LASP1: variants seen among roughly 807,000 people sequenced by gnomAD.
The protein encoded by LASP1 is LIM and SH3 protein 1, also known as LIM and SH3 domain protein 1.
A neutral mutation model predicts 38.6 loss-of-function variants in LASP1; 10 were observed. The observed-to-expected ratio is 0.26, with a 90% CI of 0.16 to 0.44. The LOEUF (loss-of-function observed/expected upper bound fraction) is 0.44, where lower values mean the gene tolerates loss of function less well. Among genes scored for constraint, LASP1 ranks in the 20% least tolerant of loss-of-function variants. The pLI is 1.00. For synonymous variants in LASP1, 132 were observed against 140.8 expected (o/e 0.94, Z 0.44); for missense variants, 243 against 375.7 (o/e 0.65, Z 2.92).
Position 38,870,105 on chromosome 17 carries a change from AGCCGCG to A in LASP1, c.-79_-74del. ...CCGTCGCTGCTGCCTGTGTAGTTGC[AGCCGCG>A]GCCGCCTCCCGCCAGCTCGCCTCGG... On this transcript the variant is annotated 5_prime_UTR_variant, in exon 1 of 7. Transcript: ENST00000318008. The A allele has an allele frequency of 1.3e-6, 2 of 1,491,434 alleles. No homozygotes were observed. 92.4% of individuals were successfully genotyped at this position (1,491,434 alleles called of 1,614,324 possible).
chr17:38,903,380 T>A (rs1914696868), intron 4 of LASP1, among the ~76,000 whole-genome samples: 1 of 151,990 alleles, frequency 6.6e-6, no homozygotes, highest in South Asian at 2.1e-4. Context: ...ATCATCATTA[T>A]TATTTTTGAG....
chr17:38,914,639 C>G lies in LASP1; in HGVS notation c.508+164C>G, dbSNP rs369369170. Among the ~76,000 whole-genome samples, 3 of 151,292 alleles carry G rather than the reference C, an allele frequency of 2.0e-5. No individual in the cohort carries two copies. The East Asian group carries it at 5.8e-4, about 29-fold the overall frequency. On this transcript the variant is annotated intron_variant, in intron 5 of 6. Coordinates refer to ENST00000318008, the MANE Select transcript of LASP1 (RefSeq NM_006148.4). ...AAGAGGGGACCAGAGGACCTGAGGC[C>G]GGGCCAGCTGGGGTGGGGAGGAAGT...
At chr17:38,907,606 A>G (rs1476333612) in intron 4 of LASP1, among the ~76,000 whole-genome samples, 1 of 152,174 alleles carries the variant, frequency 6.6e-6, no homozygotes, top group Admixed American at 6.5e-5. Flanking sequence ...TTGTCAGGGT[A>G]TGAAGAGCTT....
chr17:38,900,197 C>CAAAAAAA (rs56008544), intron 4 of LASP1, among the ~76,000 whole-genome samples: 23 of 67,576 alleles, frequency 3.4e-4, no homozygotes, highest in South Asian at 5.9e-4. Context: ...ACTGTTTCTA[C>CAAAAAAA]AAAAAAAAAA....
At chr17:38,878,304 TCA>T in intron 2 of LASP1, 124 bp downstream of exon 2, 1 of 663,738 alleles carries the variant, frequency 1.5e-6, no homozygotes, top group South Asian at 1.9e-5. Flanking sequence ...TACTTGAACA[TCA>T]CAGTTTGTCC....
chr17:38,898,739 CTG>C (rs1286289679), intron 4 of LASP1: 1 of 613,194 alleles, frequency 1.6e-6, no homozygotes, highest in Admixed American at 2.1e-5. Flanking sequence ...CTTGAAGGGA[CTG>C]TATTCTGTGG....
At chr17:38,895,101 C>A (rs1373439319) in intron 3 of LASP1, among the ~76,000 whole-genome samples, 2 of 151,860 alleles carry the variant, frequency 1.3e-5, no homozygotes, top group African/African-American at 2.4e-5. Context: ...TATGTTGGCC[C>A]AACACATGGT....
At chr17:38,892,010 G>A (rs539488934) in intron 3 of LASP1, among the ~76,000 whole-genome samples, 5 of 152,094 alleles carry the variant, frequency 3.3e-5, no homozygotes, top group African/African-American at 1.2e-4. Flanking sequence ...TATCACTTGA[G>A]CTGAGGAGTT....
At chr17:38,880,467 CCT>C (rs1025883747) in intron 2 of LASP1, among the ~76,000 whole-genome samples, 3 of 152,214 alleles carry the variant, frequency 2.0e-5, no homozygotes, top group Admixed American at 6.5e-5. Flanking sequence ...CAGAGGTTCC[CCT>C]GTCTCCCTCC....
At chr17:38,875,514 G>A (rs1044765045) in intron 1 of LASP1, among the ~76,000 whole-genome samples, 2 of 152,132 alleles carry the variant, frequency 1.3e-5, no homozygotes, top group African/African-American at 4.8e-5. Flanking sequence ...GGTTGGGGAG[G>A]GGGCCAAGCT....
At chr17:38,902,733 C>T (rs188205677) in intron 4 of LASP1, among the ~76,000 whole-genome samples, 61 of 151,942 alleles carry the variant, frequency 4.0e-4, no homozygotes, top group Middle Eastern at 3.4e-3. Context: ...GATAGAGTCT[C>T]GCTCTGTCGC....
At position 38,918,597 on chromosome 17, in the gene LASP1, C is replaced by T. The variant is rs761230542; in HGVS notation, c.613-8C>T. 4 of 1,578,176 alleles carry T rather than the reference C, an allele frequency of 2.5e-6. No homozygotes were observed. Among genetic ancestry groups the T allele is most frequent in the Non-Finnish European group, 3.5e-6 (4 of 1,155,908 alleles). On this transcript the variant is annotated splice_region_variant and splice_polypyrimidine_tract_variant and intron_variant, in intron 6 of 6. Transcript: ENST00000318008. This position sits in a 1 kb window ranked among gnomAD's most constrained non-coding sequence, Gnocchi z 4.4. ...CAGGGCCCTAGGCTGACCACACTTCCCCCACAGAAGCGGTACCGCGCGGTG... is the reference window on the plus strand; with the variant it reads ...CAGGGCCCTAGGCTGACCACACTTCTCCCACAGAAGCGGTACCGCGCGGTG...
At chr17:38,879,616 G>A (rs1913883319) in intron 2 of LASP1, among the ~76,000 whole-genome samples, 1 of 147,136 alleles carries the variant, frequency 6.8e-6, no homozygotes, top group African/African-American at 2.5e-5. Context: ...TGCAGCTGAA[G>A]TTCACCCAGG....
intron 6 of LASP1, 165 bp downstream of exon 6, chr17:38,915,311 C>A: frequency 1.7e-6 from 1 of 589,288 alleles, no homozygotes; most frequent in Admixed American, 3.1e-5. Flanking sequence ...GCGTAGTGGG[C>A]AGAGGCTGGC....
intron 1 of LASP1, among the ~76,000 whole-genome samples, chr17:38,875,504 G>A (rs1320336053): frequency 1.3e-5 from 2 of 152,148 alleles, no homozygotes; most frequent in African/African-American, 4.8e-5. Context: ...GATAGGCCCA[G>A]GTTGGGGAGG....
At chr17:38,871,206 A>C (rs1328177383) in intron 1 of LASP1, among the ~76,000 whole-genome samples, 2 of 151,836 alleles carry the variant, frequency 1.3e-5, no homozygotes, top group Non-Finnish European at 2.9e-5. Context: ...CTGTCTCCCC[A>C]ATGCTGGACT....
chr17:38,894,480 A>G (rs1485389027), intron 3 of LASP1, among the ~76,000 whole-genome samples: 2 of 152,148 alleles, frequency 1.3e-5, no homozygotes, highest in Non-Finnish European at 2.9e-5. Context: ...CTCTGTGCAC[A>G]GTGCCTTCGT....
At chr17:38,914,208 G>C in intron 4 of LASP1, 117 bp from the exon 5 acceptor site, 1 of 1,252,054 alleles carries the variant, frequency 8.0e-7, no homozygotes, top group Non-Finnish European at 1.1e-6. Context: ...GCGAGACCTG[G>C]CTTTCTGTAC....
chr17:38,918,622 G>A lies in LASP1; in HGVS notation c.630G>A (p.Val210=), dbSNP rs1029453750. The A allele has an allele frequency of 1.2e-6, 2 of 1,606,934 alleles. No individual in the cohort carries two copies. Among genetic ancestry groups the A allele is most frequent in the African/African-American group, 2.7e-5 (2 of 74,812 alleles). Residue 210 remains valine (V), a synonymous_variant, in exon 7 of 7, where the codon GTG becomes GTA. Transcript: ENST00000318008. This position sits in a 1 kb window ranked among gnomAD's most constrained non-coding sequence, Gnocchi z 4.4. ...CCCCACAGAAGCGGTACCGCGCGGT[G>A]TATGACTACAGCGCCGCCGACGAGG... ...PGGGGKRYRA[V]YDYSAADEDE...
Sources: gnomAD v4.1 joint callset for allele counts (sites outside exome capture counted in the v4.1 genomes callset) on GRCh38, gnomAD v4.1.1 for gene constraint, Gnocchi (gnomAD v3.1) non-coding constraint, MANE v1.5 for transcripts, NCBI Gene and HGNC (gene_info 2026-07-23, HGNC 2026-07-21) for gene names.